The following RUNDC3B variants were observed in gnomAD, a reference collection of about 807,000 sequenced individuals.
RUNDC3B encodes RUN domain containing 3B.
In RUNDC3B, 33 loss-of-function variants were observed where a neutral mutation model predicts 58.4. That is an observed-to-expected ratio of 0.56 (90% confidence interval 0.43 to 0.75). RUNDC3B has a LOEUF of 0.75. RUNDC3B is among the 30% of genes least tolerant of loss of function. RUNDC3B has a pLI of 0.00. For synonymous variants in RUNDC3B, 193 were observed against 195.2 expected (o/e 0.99, Z 0.10); for missense variants, 501 against 535.7 (o/e 0.94, Z 0.64).
chr7:87,801,528 T>G (rs1182490842), intron 8 of RUNDC3B, among the ~76,000 whole-genome samples: 1 of 151,946 alleles, frequency 6.6e-6, no homozygotes, highest in Admixed American at 6.6e-5. Context: ...GTGGCTGAGG[T>G]GGGTGGATCA....
rs1201519032 is a variant in RUNDC3B, at chr7:87,724,963, CAAT to C, written c.458+14314_458+14316del. ...TTATTCATTTGAATTATTAATATTACAATAATAAATTAATTTTCATATCAATAA... is the reference window on the plus strand; with the variant it reads ...TTATTCATTTGAATTATTAATATTACAATAAATTAATTTTCATATCAATAA... On this transcript the variant is annotated intron_variant, in intron 4 of 10. Transcript: ENST00000394654. Among the ~76,000 whole-genome samples the C allele has an allele frequency of 1.8e-4, 27 of 151,952 alleles. 1 individual carries two copies. The highest frequency in any genetic ancestry group is 1.4e-3 in the Admixed American group (22 of 15,236).
intron 7 of RUNDC3B, 81 bp from the exon 8 acceptor site, chr7:87,777,717 A>G: frequency 1.8e-6 from 2 of 1,085,760 alleles, no homozygotes; most frequent in South Asian, 2.9e-5. Context: ...TAGGAATAGC[A>G]TTTAAGCTAC....
intron 8 of RUNDC3B, among the ~76,000 whole-genome samples, chr7:87,799,520 T>C (rs1286151820): frequency 6.6e-6 from 1 of 152,176 alleles, no homozygotes; most frequent in Non-Finnish European, 1.5e-5. Flanking sequence ...AGCCTATGAT[T>C]TTCTCAGTGT....
chr7:87,661,173 A>AT (rs1036686444), intron 2 of RUNDC3B, among the ~76,000 whole-genome samples: 1 of 151,778 alleles, frequency 6.6e-6, no homozygotes. Context: ...GGTACATGAG[A>AT]TTTTTTTACA....
intron 2 of RUNDC3B, among the ~76,000 whole-genome samples, chr7:87,674,925 C>T (rs1419138675): frequency 2.0e-5 from 3 of 152,142 alleles, no homozygotes; most frequent in Non-Finnish European, 2.9e-5. Context: ...GAGGGGCATC[C>T]TTGGATGTGC....
chr7:87,769,312 C>A (rs920814013), intron 6 of RUNDC3B, among the ~76,000 whole-genome samples: 6 of 152,042 alleles, frequency 3.9e-5, no homozygotes, highest in Non-Finnish European at 8.8e-5. Context: ...TGCCCAGCCC[C>A]TTATATAATT....
intron 3 of RUNDC3B, among the ~76,000 whole-genome samples, chr7:87,703,947 G>GTCT (rs1310612468): frequency 5.7e-5 from 2 of 35,284 alleles, no homozygotes; most frequent in African/African-American, 2.2e-4. Context: ...TTTTGAGACA[G>GTCT]TCTAGTTCTG....
intron 6 of RUNDC3B, among the ~76,000 whole-genome samples, chr7:87,764,888 C>T (rs564139492): frequency 2.4e-4 from 36 of 151,820 alleles, no homozygotes; most frequent in African/African-American, 8.2e-4. Context: ...TTTGATACAA[C>T]GATTAATTTT....
chr7:87,706,264 G>A (rs181452803), intron 3 of RUNDC3B, among the ~76,000 whole-genome samples: 1 of 152,078 alleles, frequency 6.6e-6, no homozygotes, highest in African/African-American at 2.4e-5. Flanking sequence ...TATTCTCAGT[G>A]CAGTGGGGGA....
At chr7:87,677,274 A>AACACACACAC (rs57009840) in intron 2 of RUNDC3B, among the ~76,000 whole-genome samples, 46 of 135,898 alleles carry the variant, frequency 3.4e-4, no homozygotes, top group African/African-American at 1.2e-3. Flanking sequence ...CAGTGTATAT[A>AACACACACAC]ACACACACAC....
intron 6 of RUNDC3B, among the ~76,000 whole-genome samples, chr7:87,751,242 T>C (rs987272457): frequency 2.0e-5 from 3 of 152,116 alleles, no homozygotes; most frequent in Non-Finnish European, 4.4e-5. Flanking sequence ...GATCTATATC[T>C]CTGTTTTGGT....
intron 8 of RUNDC3B, among the ~76,000 whole-genome samples, chr7:87,786,075 C>G (rs868689319): frequency 1.5e-4 from 23 of 152,236 alleles, no homozygotes; most frequent in African/African-American, 5.1e-4. Flanking sequence ...TGTTTTCTCT[C>G]AAACAATCTG....
intron 6 of RUNDC3B, among the ~76,000 whole-genome samples, chr7:87,747,084 C>T (rs1832682599): frequency 6.6e-6 from 1 of 152,044 alleles, no homozygotes. Context: ...TTTTCTGGTT[C>T]CTTCTCATTT....
At chr7:87,820,908 C>A (rs1234329077) in intron 10 of RUNDC3B, among the ~76,000 whole-genome samples, 1 of 151,908 alleles carries the variant, frequency 6.6e-6, no homozygotes, top group African/African-American at 2.4e-5. Context: ...AAAGAGCTAT[C>A]TATGACAAAC....
intron 2 of RUNDC3B, among the ~76,000 whole-genome samples, chr7:87,664,431 G>A (rs1825027325): frequency 6.6e-6 from 1 of 152,162 alleles, no homozygotes; most frequent in Non-Finnish European, 1.5e-5. Context: ...GAATACAGAT[G>A]CTTATTGTGA....
chr7:87,780,596 T>G (rs1360917906), intron 8 of RUNDC3B, among the ~76,000 whole-genome samples: 1 of 152,202 alleles, frequency 6.6e-6, no homozygotes, highest in Non-Finnish European at 1.5e-5. Context: ...GTAGAAGCTC[T>G]TTAGTTTAAT....
chr7:87,726,476 G>A (rs1465527041), intron 4 of RUNDC3B, among the ~76,000 whole-genome samples: 1 of 152,176 alleles, frequency 6.6e-6, no homozygotes, highest in African/African-American at 2.4e-5. Context: ...CCAGTACCAT[G>A]CTGTTTTGGT....
intron 4 of RUNDC3B, among the ~76,000 whole-genome samples, chr7:87,734,425 G>T (rs1445110028): frequency 6.6e-6 from 1 of 152,044 alleles, no homozygotes; most frequent in Admixed American, 6.6e-5. Context: ...AAAAGACCAG[G>T]TAGCATATGA....
chr7:87,630,029 A>G (rs1282097376), intron 1 of RUNDC3B, among the ~76,000 whole-genome samples: 1 of 152,186 alleles, frequency 6.6e-6, no homozygotes, highest in Non-Finnish European at 1.5e-5. Flanking sequence ...ATTAAGAAAA[A>G]TTGAAACCCT....
Sources: allele counts gnomAD v4.1 joint callset (sites outside exome capture counted in the v4.1 genomes callset), GRCh38; gene constraint gnomAD v4.1.1; transcripts MANE v1.5; gene names NCBI Gene and HGNC (gene_info 2026-07-23, HGNC 2026-07-21).